The following PCDHGB1 variants were observed in gnomAD, a reference collection of about 807,000 sequenced individuals.
PCDHGB1 encodes protocadherin gamma-B1.
In PCDHGB1, 34 loss-of-function variants were observed where a neutral mutation model predicts 56.6. The ratio of observed to expected loss-of-function variants is 0.60; its 90% CI spans 0.46 to 0.80. The LOEUF (loss-of-function observed/expected upper bound fraction) is 0.80. Among genes scored for constraint, PCDHGB1 ranks in the 30% least tolerant of loss-of-function variants. PCDHGB1 has a pLI of 0.00. For synonymous variants in PCDHGB1, 561 were observed against 505.9 expected (o/e 1.11, Z -1.46); for missense variants, 1,278 against 1,204.6 (o/e 1.06, Z -0.90).
At chr5:141,447,023 G>GT (rs5871773) in intron 1 of PCDHGB1, among the ~76,000 whole-genome samples, 28,105 of 151,474 alleles carry the variant, frequency 0.19, 2,731 homozygotes, top group African/African-American at 0.24. Context: ...GTTTTGTTTT[G>GT]TTTTTTTTCT....
chr5:141,370,817 A>C, intron 1 of PCDHGB1: 1 of 1,614,046 alleles, frequency 6.2e-7, no homozygotes, highest in Non-Finnish European at 8.5e-7. Context: ...CTGAGCTGGA[A>C]ATCAGCGAAC....
intron 1 of PCDHGB1, chr5:141,422,820 G>A (rs904706749): frequency 6.2e-6 from 10 of 1,614,178 alleles, no homozygotes; most frequent in Non-Finnish European, 7.6e-6. Flanking sequence ...ACTTAGAACT[G>A]AGAGTGATAG....
intron 1 of PCDHGB1, among the ~76,000 whole-genome samples, chr5:141,472,136 A>T (rs1172420221): frequency 1.1e-4 from 17 of 152,262 alleles, no homozygotes; most frequent in Non-Finnish European, 2.5e-4. Flanking sequence ...AGTTAAAAAT[A>T]AAAGTTTCAT....
At chr5:141,471,963 T>C (rs2024084) in intron 1 of PCDHGB1, among the ~76,000 whole-genome samples, 27,680 of 152,068 alleles carry the variant, frequency 0.18, 3,629 homozygotes, top group African/African-American at 0.37. Context: ...GTGGGGTTGG[T>C]TGCATTACTG....
rs1421541308 is a variant in PCDHGB1 at position 141,409,559 on chromosome 5, G to C, written c.2409+56890G>C. On this transcript the variant is annotated intron_variant, in intron 1 of 3. Coordinates refer to ENST00000523390, the MANE Select transcript of PCDHGB1 (RefSeq NM_018922.3). The stretch of plus-strand genomic sequence containing the variant: ...CATCAACGACAACGCCCCAGTTTTC[G>C]ACCAGACGTCCTACGTGGTCCACGT... The C allele has an allele frequency of 1.9e-6, 3 of 1,613,936 alleles. No individual in the cohort carries two copies. The highest frequency in any genetic ancestry group is 1.7e-6 in the Non-Finnish European group (2 of 1,179,910).
At position 141,361,155 on chromosome 5, in the gene PCDHGB1, C is replaced by A. The variant is rs760085788; in HGVS notation, c.2409+8486C>A. On this transcript the variant is annotated intron_variant, in intron 1 of 3. Coordinates refer to ENST00000523390, the MANE Select transcript of PCDHGB1 (RefSeq NM_018922.3). Reference sequence around the variant, plus strand: ...GTATCCAAGTTGAAATTCTTGATGACAACGATTGTGCACCTGAAGTTATTG... The same window carrying A: ...GTATCCAAGTTGAAATTCTTGATGAAAACGATTGTGCACCTGAAGTTATTG... 16 of 1,613,954 alleles carry A rather than the reference C, an allele frequency of 9.9e-6. No homozygotes were observed. In the South Asian group the frequency reaches 1.6e-4, roughly 17 times the overall value.
rs191916514 is a variant in PCDHGB1, at chr5:141,456,716, G to A, written c.2410-38091G>A. 3.9e-3 allele frequency among the ~76,000 whole-genome samples: 589 copies of A among 152,314 alleles called. 5 individuals carry two copies. Among genetic ancestry groups the A allele is most frequent in the Admixed American group, 0.011 (169 of 15,300 alleles). On this transcript the variant is annotated intron_variant, in intron 1 of 3. Transcript: ENST00000523390. ...GTGGTGGCTCGCGCCTGTAATCCCA[G>A]CACTTTGGGAGGCTGAGGCGGGAGC...
At chr5:141,394,840 G>GCA (rs2093111243) in intron 1 of PCDHGB1, 1 of 1,613,834 alleles carries the variant, frequency 6.2e-7, no homozygotes. Flanking sequence ...ACCGAGTTGG[G>GCA]CAGTCTGAAG....
chr5:141,392,614 C>T (rs1000219739), intron 1 of PCDHGB1: 3 of 532,708 alleles, frequency 5.6e-6, no homozygotes, highest in African/African-American at 1.9e-5. Flanking sequence ...ACAAATGCAA[C>T]CGAAAACACT....
intron 1 of PCDHGB1, among the ~76,000 whole-genome samples, chr5:141,434,888 C>T (rs1287540129): frequency 6.6e-6 from 1 of 150,944 alleles, no homozygotes; most frequent in Non-Finnish European, 1.5e-5. Flanking sequence ...AACAACAATC[C>T]AGTCCCCTTC....
At chr5:141,508,162 G>A (rs377676571) in intron 3 of PCDHGB1, 4 of 152,502 alleles carry the variant, frequency 2.6e-5, no homozygotes, top group African/African-American at 9.7e-5. Context: ...CCTGAGTAGA[G>A]GCTGGCACAG....
intron 1 of PCDHGB1, chr5:141,382,931 G>A (rs1415161617): frequency 6.3e-7 from 1 of 1,584,178 alleles, no homozygotes; most frequent in Non-Finnish European, 8.6e-7. Context: ...GGGGACTACA[G>A]AGGATTCTTC....
intron 1 of PCDHGB1, chr5:141,395,542 TTGTG>T (rs55729045): frequency 0.22 from 37,255 of 170,042 alleles, 4,387 homozygotes; most frequent in East Asian, 0.36. Flanking sequence ...TTGCTATTGT[TTGTG>T]TGTGTGTGTG....
intron 1 of PCDHGB1, chr5:141,423,241 G>C: frequency 6.2e-7 from 1 of 1,613,954 alleles, no homozygotes; most frequent in Non-Finnish European, 8.5e-7. Context: ...CATCCCCGAA[G>C]TCCTGGCGGA....
At chr5:141,364,212 A>T in intron 1 of PCDHGB1, 1 of 1,252,416 alleles carries the variant, frequency 8.0e-7, no homozygotes, top group South Asian at 1.7e-5. Flanking sequence ...ACAAGCTCCT[A>T]CGAAAAGCCA....
intron 1 of PCDHGB1, chr5:141,360,948 A>G (rs1375491935): frequency 3.1e-6 from 5 of 1,613,966 alleles, no homozygotes; most frequent in Non-Finnish European, 4.2e-6. Context: ...ACCGGGATGA[A>G]GGCATAAACG....
chr5:141,473,235 C>T (rs1322325327), intron 1 of PCDHGB1, among the ~76,000 whole-genome samples: 1 of 152,132 alleles, frequency 6.6e-6, no homozygotes, highest in Non-Finnish European at 1.5e-5. Flanking sequence ...TGGATCCACA[C>T]AAGTGAATAC....
Position 141,350,862 on chromosome 5 carries a change from A to T in PCDHGB1, c.602A>T (p.His201Leu), listed in dbSNP as rs767803001. 3.1e-6 allele frequency: 5 copies of T among 1,613,982 alleles called. No homozygotes were observed. In the South Asian group the frequency reaches 5.5e-5, roughly 18 times the overall value. Residue 201 changes from histidine (H) to leucine (L), a missense_variant, in exon 1 of 4, where the codon CAT becomes CTT. Coordinates refer to ENST00000523390, the MANE Select transcript of PCDHGB1 (RefSeq NM_018922.3). ...LLLEKPLDRE[H>L]QSSHRLILTA... Reference sequence around the variant, plus strand: ...CTGGAAAAACCTCTAGACAGGGAACATCAGAGCTCTCATCGCTTAATCCTG... The same window carrying T: ...CTGGAAAAACCTCTAGACAGGGAACTTCAGAGCTCTCATCGCTTAATCCTG...
chr5:141,356,952 C>T (rs370594218), intron 1 of PCDHGB1: 31 of 1,614,236 alleles, frequency 1.9e-5, no homozygotes, highest in African/African-American at 1.7e-4. Flanking sequence ...CCGCAGATTC[C>T]GGCTACCTGG....
Sources: gnomAD v4.1 joint callset for allele counts (sites outside exome capture counted in the v4.1 genomes callset) on GRCh38, gnomAD v4.1.1 for gene constraint, MANE v1.5 for transcripts, NCBI Gene and HGNC (gene_info 2026-07-23, HGNC 2026-07-21) for gene names.